ERBB4: variants seen among roughly 807,000 people sequenced by gnomAD.
The protein encoded by ERBB4 is erb-b2 receptor tyrosine kinase 4.
ERBB4 carries 42 observed loss-of-function variants against 158.0 expected under a neutral mutation model. The observed-to-expected ratio is 0.27, with a 90% CI of 0.21 to 0.34. ERBB4 has a LOEUF of 0.34. ERBB4 is among the 10% of genes least tolerant of loss of function. The probability of loss-of-function intolerance (pLI) is 1.00; values close to 1 mark genes in which losing one functional copy is unlikely to be tolerated. For synonymous variants in ERBB4, 583 were observed against 558.7 expected, an observed-to-expected ratio of 1.04 and a Z score of -0.61; for missense variants, 1,333 against 1,624.1, an observed-to-expected ratio of 0.82 and a Z score of 3.08.
intron 19 of ERBB4, among the ~76,000 whole-genome samples, chr2:211,567,290 T>C (rs2067576781): frequency 6.6e-6 from 1 of 152,176 alleles, no homozygotes. Context: ...TATTACAGTG[T>C]CAATCTTTAT....
In ERBB4 at chr2:211,525,601, C is replaced by T. The variant is rs527835634; in HGVS notation, c.2487+36302G>A. On this transcript the variant is annotated intron_variant, in intron 20 of 27. Coordinates refer to ENST00000342788, the MANE Select transcript of ERBB4 (RefSeq NM_005235.3). ...TCTGAGATGTGCTGGCTTCAGGCAC[C>T]AGGTCGGCCACACACTGGAGTAGGG... Among the ~76,000 whole-genome samples, 6 of 152,218 alleles carry T rather than the reference C, an allele frequency of 3.9e-5. No homozygotes were observed. In the East Asian group the frequency reaches 1.2e-3, roughly 29 times the overall value.
intron 1 of ERBB4, among the ~76,000 whole-genome samples, chr2:212,336,507 T>C (rs2088447845): frequency 6.6e-6 from 1 of 152,048 alleles, no homozygotes; most frequent in Non-Finnish European, 1.5e-5. Flanking sequence ...AGGTATTTGA[T>C]GCCAATGATA....
chr2:211,440,980 G>C (rs920445384), intron 20 of ERBB4, among the ~76,000 whole-genome samples: 7 of 152,124 alleles, frequency 4.6e-5, no homozygotes, highest in African/African-American at 9.7e-5. Flanking sequence ...CGCAAAAGTG[G>C]CACCTACATA....
At chr2:212,260,602 CAGG>C (rs1329255453) in intron 1 of ERBB4, among the ~76,000 whole-genome samples, 1 of 152,072 alleles carries the variant, frequency 6.6e-6, no homozygotes, top group African/African-American at 2.4e-5. Flanking sequence ...CACTTGAGGT[CAGG>C]AGTTCAAGAC....
intron 1 of ERBB4, among the ~76,000 whole-genome samples, chr2:212,167,586 C>T (rs1335105529): frequency 6.6e-6 from 1 of 152,116 alleles, no homozygotes; most frequent in Non-Finnish European, 1.5e-5. Context: ...AATCCCATTA[C>T]TGAGTATATA....
intron 10 of ERBB4, among the ~76,000 whole-genome samples, chr2:211,704,661 A>G (rs2073370232): frequency 6.6e-6 from 1 of 152,238 alleles, no homozygotes; most frequent in Non-Finnish European, 1.5e-5. Context: ...TGAACACATT[A>G]CATGCTTAAT....
At chr2:211,510,811 G>C (rs930246034) in intron 20 of ERBB4, among the ~76,000 whole-genome samples, 11 of 151,846 alleles carry the variant, frequency 7.2e-5, no homozygotes, top group South Asian at 2.1e-4. Context: ...AGAGATGCTA[G>C]CAATCTCTTC....
chr2:212,278,717 A>G (rs137858951), intron 1 of ERBB4, among the ~76,000 whole-genome samples: 20 of 151,844 alleles, frequency 1.3e-4, no homozygotes, highest in African/African-American at 4.3e-4. Context: ...CTAGTATTTT[A>G]GAATGAAGGT....
chr2:211,548,150 T>C (rs936254846), intron 20 of ERBB4, among the ~76,000 whole-genome samples: 11 of 152,056 alleles, frequency 7.2e-5, no homozygotes, highest in Non-Finnish European at 1.6e-4. Flanking sequence ...CTTACTACCC[T>C]TTAAATATTG....
chr2:211,905,740 G>GTATATA (rs1347742717), intron 3 of ERBB4, among the ~76,000 whole-genome samples: 1,268 of 95,888 alleles, frequency 0.013, 37 homozygotes, highest in African/African-American at 0.04. Context: ...GTGTGCATGT[G>GTATATA]TGTGTATATA....
intron 2 of ERBB4, among the ~76,000 whole-genome samples, chr2:212,039,421 T>C (rs2077087607): frequency 6.6e-6 from 1 of 152,166 alleles, no homozygotes; most frequent in Admixed American, 6.5e-5. Flanking sequence ...AGAGGATACT[T>C]TACATGGCTA....
intron 1 of ERBB4, among the ~76,000 whole-genome samples, chr2:212,187,106 T>C (rs1228621487): frequency 6.6e-6 from 1 of 152,138 alleles, no homozygotes; most frequent in Non-Finnish European, 1.5e-5. Context: ...TACTTGACTC[T>C]ACTGTTAAAA....
intron 2 of ERBB4, among the ~76,000 whole-genome samples, chr2:211,952,562 A>G (rs16847307): frequency 0.065 from 9,935 of 152,120 alleles, 666 homozygotes; most frequent in East Asian, 0.28. Flanking sequence ...ACAACTTTTA[A>G]ACATATGGAC....
chr2:212,336,145 C>T (rs1009905343), intron 1 of ERBB4, among the ~76,000 whole-genome samples: 2 of 152,006 alleles, frequency 1.3e-5, no homozygotes, highest in Non-Finnish European at 2.9e-5. Context: ...GCATTAAATT[C>T]GTGTTTTACC....
At chr2:212,169,754 T>C (rs946487104) in intron 1 of ERBB4, among the ~76,000 whole-genome samples, 1 of 152,128 alleles carries the variant, frequency 6.6e-6, no homozygotes, top group Non-Finnish European at 1.5e-5. Context: ...GTTCTTGTCA[T>C]AGTAAGTGAC....
intron 3 of ERBB4, among the ~76,000 whole-genome samples, chr2:211,886,973 A>G (rs745781503): frequency 3.3e-5 from 5 of 152,172 alleles, no homozygotes; most frequent in Admixed American, 6.6e-5. Context: ...TTCCAGTACC[A>G]CTTCTCTGCA....
At chr2:211,801,193 T>C (rs1392617595) in intron 3 of ERBB4, among the ~76,000 whole-genome samples, 2 of 152,192 alleles carry the variant, frequency 1.3e-5, no homozygotes, top group Non-Finnish European at 2.9e-5. Flanking sequence ...TATTTAAACA[T>C]TAAGCTTAAT....
intron 1 of ERBB4, among the ~76,000 whole-genome samples, chr2:212,496,499 G>C (rs16848714): frequency 0.045 from 6,811 of 152,194 alleles, 519 homozygotes; most frequent in African/African-American, 0.15. Flanking sequence ...ATATTGAACA[G>C]AGACATCTGG....
intron 1 of ERBB4, among the ~76,000 whole-genome samples, chr2:212,151,980 C>T (rs1444073344): frequency 6.6e-6 from 1 of 152,122 alleles, no homozygotes; most frequent in Non-Finnish European, 1.5e-5. Flanking sequence ...TTATTCTAGG[C>T]AATCATGATC....
Sources: gnomAD v4.1 joint callset for allele counts (sites outside exome capture counted in the v4.1 genomes callset) on GRCh38, gnomAD v4.1.1 for gene constraint, MANE v1.5 for transcripts, NCBI Gene and HGNC (gene_info 2026-07-23, HGNC 2026-07-21) for gene names.